The following IKZF2 variants were observed in gnomAD, a reference collection of about 807,000 sequenced individuals.
The protein encoded by IKZF2 is zinc finger protein Helios.
A neutral mutation model predicts 49.2 loss-of-function variants in IKZF2; 15 were observed. That is an observed-to-expected ratio of 0.30 (90% CI 0.20 to 0.47). The LOEUF (loss-of-function observed/expected upper bound fraction) is 0.47, where lower values mean the gene tolerates loss of function less well. IKZF2 is among the 20% of genes least tolerant of loss of function. The probability of loss-of-function intolerance (pLI) is 1.00; values close to 1 mark genes in which losing one functional copy is unlikely to be tolerated. For synonymous variants in IKZF2, 227 were observed against 221.4 expected (o/e 1.03, Z -0.23); for missense variants, 567 against 664.6 (o/e 0.85, Z 1.61).
chr2:213,072,296 G>GT (rs377550534), intron 4 of IKZF2, among the ~76,000 whole-genome samples: 62,289 of 144,398 alleles, frequency 0.43, 14,060 homozygotes, highest in African/African-American at 0.54. Context: ...CCTTTCCTTT[G>GT]TTTTTTTTTT....
chr2:213,026,191 T>C (rs995768740), intron 6 of IKZF2, among the ~76,000 whole-genome samples: 2 of 152,134 alleles, frequency 1.3e-5, no homozygotes, highest in Middle Eastern at 3.2e-3. Flanking sequence ...GAGTTTTGTT[T>C]GTTGCTGTAA....
At chr2:213,142,642 A>G (rs2060915015) in intron 4 of IKZF2, among the ~76,000 whole-genome samples, 1 of 151,978 alleles carries the variant, frequency 6.6e-6, no homozygotes, top group African/African-American at 2.4e-5. Context: ...AGAGATGTGA[A>G]GTGACATGGC....
At chr2:213,014,502 T>C (rs116098092) in intron 7 of IKZF2, 2,052 of 152,332 alleles carry the variant, frequency 0.013, 23 homozygotes, top group Non-Finnish European at 0.023. Flanking sequence ...ATTCTGAACA[T>C]GTCTATGCAC....
chr2:213,107,198 A>C (rs925961478), intron 4 of IKZF2, among the ~76,000 whole-genome samples: 1 of 152,172 alleles, frequency 6.6e-6, no homozygotes, highest in Non-Finnish European at 1.5e-5. Flanking sequence ...GGCTGTTAAC[A>C]CAAGACAAAA....
At chr2:213,033,240 C>G (rs1698661184) in intron 6 of IKZF2, among the ~76,000 whole-genome samples, 1 of 152,244 alleles carries the variant, frequency 6.6e-6, no homozygotes, top group Non-Finnish European at 1.5e-5. Flanking sequence ...TCTATCACAT[C>G]TGCAGTTCCT....
At chr2:213,151,951 C>A (rs1205233365), upstream of IKZF2, among the ~76,000 whole-genome samples, 1 of 151,548 alleles carries the variant, frequency 6.6e-6, no homozygotes, top group Admixed American at 6.6e-5. Flanking sequence ...AGTGCTGCCC[C>A]GGAGGCTCCG....
At chr2:213,133,703 A>AAATAAAT (rs1553602155) in intron 4 of IKZF2, among the ~76,000 whole-genome samples, 2 of 145,398 alleles carry the variant, frequency 1.4e-5, no homozygotes, top group African/African-American at 2.5e-5. Flanking sequence ...CCGTCTCGAA[A>AAATAAAT]AAATAAATAA....
At chr2:213,053,074 T>C (rs1208516390) in intron 5 of IKZF2, among the ~76,000 whole-genome samples, 1 of 152,162 alleles carries the variant, frequency 6.6e-6, no homozygotes, top group East Asian at 1.9e-4. Context: ...GTTCTTCATA[T>C]GTATATCAAA....
At chr2:213,133,700 G>A (rs192464877) in intron 4 of IKZF2, among the ~76,000 whole-genome samples, 9,455 of 71,102 alleles carry the variant, frequency 0.13, 425 homozygotes, top group Middle Eastern at 0.29. Context: ...ACTCCGTCTC[G>A]AAAAAATAAA....
chr2:213,070,697 A>T (rs1702606065), intron 4 of IKZF2, among the ~76,000 whole-genome samples: 1 of 152,182 alleles, frequency 6.6e-6, no homozygotes, highest in African/African-American at 2.4e-5. Context: ...CAGTTCTCAG[A>T]CAAGGACAGT....
At chr2:213,130,553 C>G (rs2060441794) in intron 4 of IKZF2, among the ~76,000 whole-genome samples, 1 of 152,120 alleles carries the variant, frequency 6.6e-6, no homozygotes, top group South Asian at 2.1e-4. Context: ...TTAAAATAAT[C>G]TTACTAGTAG....
chr2:213,046,922 T>C (rs1197896492), intron 6 of IKZF2, among the ~76,000 whole-genome samples: 15 of 152,016 alleles, frequency 9.9e-5, no homozygotes, highest in Non-Finnish European at 2.2e-4. Context: ...CAGATTCAAT[T>C]ACATGGACTT....
Position 213,007,995 on chromosome 2 carries a change from T to C in IKZF2, c.946A>G (p.Met316Val), listed in dbSNP as rs184176885. The C allele has an allele frequency of 2.4e-5, 38 of 1,613,416 alleles. No individual in the cohort carries two copies. In the East Asian group the frequency reaches 7.1e-4, roughly 30 times the overall value. ...GCATTGTTGATGGCTTGGTCCATCA[T>C]ATGAGACTGCATCAGCTCAGCCTCC... is the stretch of plus-strand genomic sequence containing the variant. ...EKEAELMQSHMMDQAINNAIT... is the reference protein window; with the variant it reads ...EKEAELMQSHVMDQAINNAIT... Residue 316 changes from methionine to valine, a missense_variant, in exon 9 of 9, where the codon ATG (methionine) becomes GTG (valine). Physicochemically the swap from Met to Val is conservative, Grantham distance 21. Around this residue, in one of 5 missense-constraint regions of IKZF2, gnomAD observed 310 missense variants for 326.9 expected, o/e 0.95. Coordinates refer to ENST00000434687, the MANE Select transcript of IKZF2 (RefSeq NM_001387220.1).
At chr2:213,058,410 C>A (rs1351701033) in intron 4 of IKZF2, among the ~76,000 whole-genome samples, 2 of 152,002 alleles carry the variant, frequency 1.3e-5, no homozygotes, top group Non-Finnish European at 2.9e-5. Context: ...ATGGTACCGA[C>A]TTCCTATGGT....
intron 6 of IKZF2, among the ~76,000 whole-genome samples, chr2:213,041,344 G>GT (rs1244879752): frequency 1.3e-5 from 2 of 150,494 alleles, no homozygotes; most frequent in Non-Finnish European, 3.0e-5. Flanking sequence ...TTTTTTGGGG[G>GT]GGGTGGGAGG....
At chr2:213,045,482 CTCTT>C (rs1191193532) in intron 6 of IKZF2, among the ~76,000 whole-genome samples, 2 of 152,214 alleles carry the variant, frequency 1.3e-5, no homozygotes, top group Non-Finnish European at 2.9e-5. Flanking sequence ...CAACTCTGCT[CTCTT>C]TGTCATAACA....
intron 6 of IKZF2, among the ~76,000 whole-genome samples, chr2:213,026,943 T>C (rs1365985882): frequency 6.6e-6 from 1 of 152,092 alleles, no homozygotes; most frequent in African/African-American, 2.4e-5. Context: ...TTAATGATTA[T>C]TTTTCTTTTT....
chr2:213,080,993 G>A (rs768460599), intron 4 of IKZF2, among the ~76,000 whole-genome samples: 17 of 152,068 alleles, frequency 1.1e-4, no homozygotes, highest in African/African-American at 2.4e-4. Context: ...AGTTTTTTTA[G>A]TATAAATCTA....
At chr2:213,092,717 T>C (rs1438163878) in intron 4 of IKZF2, among the ~76,000 whole-genome samples, 1 of 152,154 alleles carries the variant, frequency 6.6e-6, no homozygotes, top group Admixed American at 6.6e-5. Flanking sequence ...ATACAAAATT[T>C]TCTATCATCA....
Sources: allele counts gnomAD v4.1 joint callset (sites outside exome capture counted in the v4.1 genomes callset), GRCh38; gene constraint gnomAD v4.1.1; regional missense constraint gnomAD v4.1.1; transcripts MANE v1.5; gene names NCBI Gene and HGNC (gene_info 2026-07-23, HGNC 2026-07-21).